The following SLC24A4 variants were observed in gnomAD, a reference collection of about 807,000 sequenced individuals.
SLC24A4 encodes the protein solute carrier family 24 member 4.
SLC24A4 carries 53 observed loss-of-function variants against 79.0 expected under a neutral mutation model. The observed-to-expected ratio is 0.67, with a 90% confidence interval of 0.54 to 0.84. SLC24A4 has a LOEUF of 0.84. Among genes scored for constraint, SLC24A4 ranks in the 40% least tolerant of loss-of-function variants. SLC24A4 has a pLI of 0.00. For missense variants in SLC24A4, 731 were observed against 822.0 expected, an observed-to-expected ratio of 0.89 and a Z score of 1.35; for synonymous variants, 323 against 323.8, an observed-to-expected ratio of 1.00 and a Z score of 0.03.
intron 2 of SLC24A4, among the ~76,000 whole-genome samples, chr14:92,378,833 TGA>T (rs1888664344): frequency 6.6e-6 from 1 of 152,238 alleles, no homozygotes; most frequent in Non-Finnish European, 1.5e-5. Context: ...GAGGATCACT[TGA>T]GGCCAGGAGT....
chr14:92,456,816 A>G (rs960907341), intron 12 of SLC24A4, among the ~76,000 whole-genome samples: 1 of 152,198 alleles, frequency 6.6e-6, no homozygotes, highest in Non-Finnish European at 1.5e-5. Flanking sequence ...TGCGGGCACC[A>G]CCAAGTGCAG....
chr14:92,344,947 C>T (rs756450055), intron 2 of SLC24A4, among the ~76,000 whole-genome samples: 5 of 152,168 alleles, frequency 3.3e-5, no homozygotes, highest in African/African-American at 1.2e-4. Context: ...TGGAGAGACA[C>T]GCCAGGTTTG....
chr14:92,323,065 G>A (rs1485558284), upstream of SLC24A4: 1 of 152,252 alleles, frequency 6.6e-6, no homozygotes, highest in Non-Finnish European at 1.5e-5. The surrounding 1 kb of genome is among the most constrained non-coding windows in gnomAD (Gnocchi z 4.9). Context: ...TGCGCCCTAC[G>A]GGACGAGTAC....
At chr14:92,416,743 C>G (rs1451661329) in intron 2 of SLC24A4, among the ~76,000 whole-genome samples, 1 of 152,156 alleles carries the variant, frequency 6.6e-6, no homozygotes, top group Admixed American at 6.5e-5. Context: ...TCCACAAGCT[C>G]ACAAAGGAAA....
At chr14:92,358,393 A>G (rs889657786) in intron 2 of SLC24A4, among the ~76,000 whole-genome samples, 1 of 152,162 alleles carries the variant, frequency 6.6e-6, no homozygotes, top group Non-Finnish European at 1.5e-5. Context: ...ATCCCATTAC[A>G]TCGAATAATC....
rs927543455 is a variant in SLC24A4, at chr14:92,490,729, C to T, written c.1538-936C>T. On this transcript the variant is annotated intron_variant, in intron 14 of 16. Transcript: ENST00000532405. The surrounding 1 kb of genome is among the most constrained non-coding windows in gnomAD (Gnocchi z 4.3). ...GGGTAGCTGGGAACATGAAGTGAGG[C>T]GCAGTGGCCGGGAGTCCTCATAGAA... Among the ~76,000 whole-genome samples the T allele has an allele frequency of 8.5e-5, 13 of 152,180 alleles. No individual in the cohort carries two copies. Among genetic ancestry groups the T allele is most frequent in the Non-Finnish European group, 1.6e-4 (11 of 68,028 alleles).
chr14:92,406,701 G>C (rs921417669), intron 2 of SLC24A4, among the ~76,000 whole-genome samples: 1 of 152,158 alleles, frequency 6.6e-6, no homozygotes, highest in Non-Finnish European at 1.5e-5. Flanking sequence ...GGAGCTGCTG[G>C]GACTCTGGGT....
chr14:92,442,598 C>T (rs1470194854), intron 5 of SLC24A4, 115 bp from the exon 6 acceptor site: 9 of 706,578 alleles, frequency 1.3e-5, no homozygotes, highest in African/African-American at 3.5e-5. Flanking sequence ...TTCCGCTTCA[C>T]GGGTGCTCTG....
At chr14:92,446,026 G>A (rs7149553) in intron 8 of SLC24A4, among the ~76,000 whole-genome samples, 33,965 of 152,036 alleles carry the variant, frequency 0.22, 4,035 homozygotes, top group Non-Finnish European at 0.24. Flanking sequence ...GTGAGACCCC[G>A]TCCCCCAAAA....
chr14:92,391,289 CTCTGACCTTCCGCT>C (rs1214145646), intron 2 of SLC24A4, among the ~76,000 whole-genome samples: 1 of 152,204 alleles, frequency 6.6e-6, no homozygotes, highest in Non-Finnish European at 1.5e-5. Context: ...TTTCATTGAG[CTCTGACCTTCCGCT>C]CAGCATCTTT....
At chr14:92,492,063 C>A in intron 15 of SLC24A4, 112 bp from the exon 16 acceptor site, 1 of 999,942 alleles carries the variant, frequency 1.0e-6, no homozygotes. Context: ...CACCTGTAAA[C>A]ACCTGTGTTT....
intron 2 of SLC24A4, among the ~76,000 whole-genome samples, chr14:92,339,735 C>G (rs1445291763): frequency 6.6e-6 from 1 of 152,164 alleles, no homozygotes; most frequent in Admixed American, 6.5e-5. Context: ...GCTTTGGGAG[C>G]CAGGGACGGT....
At chr14:92,385,323 G>A (rs1180559515) in intron 2 of SLC24A4, among the ~76,000 whole-genome samples, 1 of 152,040 alleles carries the variant, frequency 6.6e-6, no homozygotes, top group African/African-American at 2.4e-5. Flanking sequence ...TGGCCAACAT[G>A]GTGAAACCCT....
At chr14:92,324,380 G>A (rs1026003716) in intron 1 of SLC24A4, among the ~76,000 whole-genome samples, 2 of 152,224 alleles carry the variant, frequency 1.3e-5, no homozygotes, top group African/African-American at 4.8e-5. Flanking sequence ...CCCTGCCCTG[G>A]TTCAAAGGGG....
chr14:92,477,762 CT>C lies in SLC24A4; in HGVS notation c.1256-4911del, dbSNP rs1264803326. On this transcript the variant is annotated intron_variant, in intron 12 of 16. Coordinates refer to ENST00000532405, the MANE Select transcript of SLC24A4 (RefSeq NM_153646.4). Reference sequence around the variant, plus strand: ...AGACACTGTGCCCAGCCTTTCTTTCCTTTTTTTCTTTTTTCTTTTCTCTTTT... The same window carrying C: ...AGACACTGTGCCCAGCCTTTCTTTCCTTTTTTCTTTTTTCTTTTCTCTTTT... Among the ~76,000 whole-genome samples the C allele has an allele frequency of 7.6e-5, 11 of 144,066 alleles. No individual in the cohort carries two copies. The East Asian group carries it at 2.0e-3, about 27-fold the overall frequency. 94.5% of individuals were successfully genotyped at this position (144,066 alleles called of 152,430 possible).
At chr14:92,339,317 A>G (rs1181786856) in intron 2 of SLC24A4, among the ~76,000 whole-genome samples, 1 of 152,238 alleles carries the variant, frequency 6.6e-6, no homozygotes, top group African/African-American at 2.4e-5. Context: ...AGGGCGTCCC[A>G]GCAAAGATGG....
In SLC24A4 at chr14:92,387,855, C is replaced by T. The variant is rs1889252752; in HGVS notation, c.242-46057C>T. On this transcript the variant is annotated intron_variant, in intron 2 of 16. Coordinates refer to ENST00000532405, the MANE Select transcript of SLC24A4 (RefSeq NM_153646.4). ...CGTATTTCACTTAGCATGAGTCACC[C>T]ATGTTGTAGCCTGTGTTAGAATGTC... Among the ~76,000 whole-genome samples, 3 of 152,366 alleles carry T rather than the reference C, an allele frequency of 2.0e-5. No individual in the cohort carries two copies. In the South Asian group the frequency reaches 6.2e-4, roughly 32 times the overall value.
chr14:92,492,786 G>C (rs954319740), intron 16 of SLC24A4: 2 of 448,926 alleles, frequency 4.5e-6, no homozygotes, highest in African/African-American at 2.0e-5. Context: ...TTTGAACCCA[G>C]GTTGGTCTGT....
intron 16 of SLC24A4, among the ~76,000 whole-genome samples, chr14:92,492,448 A>G (rs1895736089): frequency 6.6e-6 from 1 of 152,158 alleles, no homozygotes; most frequent in South Asian, 2.1e-4. Flanking sequence ...CTGAGTACAT[A>G]AGAAGTCCCC....
Sources: gnomAD v4.1 joint callset for allele counts (sites outside exome capture counted in the v4.1 genomes callset) on GRCh38, gnomAD v4.1.1 for gene constraint, Gnocchi (gnomAD v3.1) non-coding constraint, MANE v1.5 for transcripts, NCBI Gene and HGNC (gene_info 2026-07-23, HGNC 2026-07-21) for gene names.